PPHLN1: variants seen among roughly 807,000 people sequenced by gnomAD.
PPHLN1 encodes periphilin-1.
In PPHLN1, 29 loss-of-function variants were observed where a neutral mutation model predicts 51.3. That is an observed-to-expected ratio of 0.57 (90% CI 0.42 to 0.77). The LOEUF (loss-of-function observed/expected upper bound fraction) is 0.77, where lower values mean the gene tolerates loss of function less well. PPHLN1 is among the 30% of genes least tolerant of loss of function. The pLI is 0.00. For missense variants in PPHLN1, 436 were observed against 438.4 expected, an observed-to-expected ratio of 0.99 and a Z score of 0.05; for synonymous variants, 147 against 147.8, an observed-to-expected ratio of 0.99 and a Z score of 0.04.
At chr12:42,412,985 G>A (rs2080013410) in intron 9 of PPHLN1, among the ~76,000 whole-genome samples, 1 of 151,736 alleles carries the variant, frequency 6.6e-6, no homozygotes, top group African/African-American at 2.4e-5. Flanking sequence ...ATTTTTTCTT[G>A]CTGATTTGAG....
chr12:42,412,108 G>T (rs2079912729), intron 9 of PPHLN1, among the ~76,000 whole-genome samples: 1 of 151,972 alleles, frequency 6.6e-6, no homozygotes. Flanking sequence ...GAGAGGCTGA[G>T]GCAGAAGAAT....
In PPHLN1 at chr12:42,360,458, C is replaced by CTTTTTTTTTTTTTTTTTTTTTTTTTTTTT. The variant is rs71084642; in HGVS notation, c.299+5237_299+5265dup. Among the ~76,000 whole-genome samples the CTTTTTTTTTTTTTTTTTTTTTTTTTTTTT allele has an allele frequency of 5.3e-5, 3 of 56,292 alleles. 1 individual carries two copies. The highest frequency in any genetic ancestry group is 2.3e-4 in the African/African-American group (3 of 13,100). The allele number at this position is 56,292 out of a possible 152,430, so 36.9% of individuals were successfully genotyped here. A position where few individuals can be genotyped will look rare whatever the true frequency, so the allele number is the denominator to read the frequency against. ...ACAGTTCCTGAAGTGATGCTGAATT[C>CTTTTTTTTTTTTTTTTTTTTTTTTTTTTT]TTTTTTTTTTTTTTTTTTTTTTTTT... is the stretch of plus-strand genomic sequence containing the variant. On this transcript the variant is annotated intron_variant, in intron 4 of 9. Coordinates refer to ENST00000358314, the MANE Select transcript of PPHLN1 (RefSeq NM_201439.2).
At chr12:42,362,432 T>G (rs879416911) in intron 4 of PPHLN1, among the ~76,000 whole-genome samples, 2 of 152,228 alleles carry the variant, frequency 1.3e-5, no homozygotes, top group Non-Finnish European at 2.9e-5. Flanking sequence ...GTGTCATATC[T>G]AAGAATCCGT....
chr12:42,339,482 TCTGTGTTACAC>T (rs1192946135), intron 2 of PPHLN1, among the ~76,000 whole-genome samples: 1 of 152,248 alleles, frequency 6.6e-6, no homozygotes, highest in Non-Finnish European at 1.5e-5. Context: ...CCCTGTGCCT[TCTGTGTTACAC>T]CTGCATCTTA....
At chr12:42,346,808 T>C (rs1422565175) in intron 2 of PPHLN1, among the ~76,000 whole-genome samples, 2 of 152,162 alleles carry the variant, frequency 1.3e-5, no homozygotes, top group Non-Finnish European at 2.9e-5. Context: ...AGGGGATATC[T>C]CATAGTGGTT....
chr12:42,426,228 A>ACACACACACCCCCC (rs371819974), intron 9 of PPHLN1, among the ~76,000 whole-genome samples: 2 of 129,788 alleles, frequency 1.5e-5, no homozygotes, highest in African/African-American at 6.6e-5. Context: ...ACACACACAC[A>ACACACACACCCCCC]CCCTCATGCA....
chr12:42,345,137 A>G (rs1469337199), intron 2 of PPHLN1, among the ~76,000 whole-genome samples: 1 of 152,204 alleles, frequency 6.6e-6, no homozygotes, highest in East Asian at 1.9e-4. Context: ...CAAATTAAGA[A>G]GTAGCTGATT....
At chr12:42,425,699 T>A (rs186773923) in intron 9 of PPHLN1, among the ~76,000 whole-genome samples, 1 of 152,342 alleles carries the variant, frequency 6.6e-6, no homozygotes, top group South Asian at 2.1e-4. Context: ...CTCAGGTTTT[T>A]AAAATGACTT....
chr12:42,446,524 G>A, downstream of PPHLN1: 4 of 1,564,174 alleles, frequency 2.6e-6, no homozygotes, highest in South Asian at 3.5e-5. Context: ...CCTGGGGGTC[G>A]CTTCTTAGTT....
At chr12:42,379,125 T>C (rs1270233311) in intron 5 of PPHLN1, among the ~76,000 whole-genome samples, 1 of 152,026 alleles carries the variant, frequency 6.6e-6, no homozygotes, top group African/African-American at 2.4e-5. Context: ...TTTTTCCCTC[T>C]TTGAAATAAT....
chr12:42,337,929 A>G (rs1303923040), intron 2 of PPHLN1, among the ~76,000 whole-genome samples: 1 of 151,690 alleles, frequency 6.6e-6, no homozygotes, highest in Non-Finnish European at 1.5e-5. Context: ...GACTACAGGC[A>G]CAAGCCACCA....
chr12:42,415,460 C>T (rs990028872), intron 9 of PPHLN1, among the ~76,000 whole-genome samples: 3 of 152,196 alleles, frequency 2.0e-5, no homozygotes, highest in African/African-American at 7.2e-5. Context: ...CGTGAGCCAC[C>T]GCCCCTAGCC....
intron 9 of PPHLN1, among the ~76,000 whole-genome samples, chr12:42,418,073 G>A (rs2139644033): frequency 6.6e-6 from 1 of 150,736 alleles, no homozygotes; most frequent in Admixed American, 6.6e-5. Context: ...CTACGTAGCT[G>A]GGACTACAGG....
intron 5 of PPHLN1, among the ~76,000 whole-genome samples, chr12:42,383,291 A>G (rs1378694032): frequency 6.6e-6 from 1 of 152,216 alleles, no homozygotes; most frequent in Non-Finnish European, 1.5e-5. Context: ...AGCTACCAAC[A>G]TGGAGTAACT....
intron 9 of PPHLN1, chr12:42,433,209 T>C (rs1651511251): frequency 2.6e-6 from 2 of 758,912 alleles, no homozygotes; most frequent in Non-Finnish European, 4.9e-6. Context: ...TCCACATGGC[T>C]CTTGGTCATT....
chr12:42,358,665 CAG>C (rs1247445134), intron 4 of PPHLN1, among the ~76,000 whole-genome samples: 2 of 152,208 alleles, frequency 1.3e-5, no homozygotes, highest in African/African-American at 4.8e-5. Flanking sequence ...CTTGGTCTCC[CAG>C]AGTGCTGGGA....
Position 42,414,287 on chromosome 12 carries a change from G to A in PPHLN1, c.909+15293G>A, listed in dbSNP as rs192566512. ...TGACCTCAGGTGATCCACCAGCCTC[G>A]GCCTCCCAAAGTGCTGGGATTACAG... On this transcript the variant is annotated intron_variant, in intron 9 of 9. Transcript: ENST00000358314. Among the ~76,000 whole-genome samples, 376 of 151,152 alleles carry A rather than the reference G, an allele frequency of 2.5e-3. 2 individuals are homozygous for A. The highest frequency in any genetic ancestry group is 8.6e-3 in the African/African-American group (354 of 41,186).
In PPHLN1 at chr12:42,331,260, T is replaced by C. The variant is rs1821616957; in HGVS notation, c.-20-4623T>C. Among the ~76,000 whole-genome samples the C allele has an allele frequency of 2.6e-5, 4 of 152,344 alleles. No individual in the cohort carries two copies. In the Middle Eastern group the frequency reaches 0.01, roughly 389 times the overall value. ...ATGAGTTTTGGTGGGGAGGGGAAGC[T>C]ATTTATCCTGAGTGTATTTAATAAT... On this transcript the variant is annotated intron_variant, in intron 1 of 9. Transcript: ENST00000358314.
intron 4 of PPHLN1, among the ~76,000 whole-genome samples, chr12:42,373,325 C>A (rs2075971032): frequency 6.6e-6 from 1 of 152,096 alleles, no homozygotes; most frequent in African/African-American, 2.4e-5. Flanking sequence ...TGCTCTATTT[C>A]ATTATTAGTG....
Sources: gnomAD v4.1 joint callset for allele counts (sites outside exome capture counted in the v4.1 genomes callset) on GRCh38, gnomAD v4.1.1 for gene constraint, MANE v1.5 for transcripts, NCBI Gene and HGNC (gene_info 2026-07-23, HGNC 2026-07-21) for gene names.